The following RYR3 variants were observed in gnomAD, a reference collection of about 807,000 sequenced individuals.
RYR3 encodes the protein brain ryanodine receptor-calcium release channel.
A neutral mutation model predicts 584.3 loss-of-function variants in RYR3; 207 were observed. The observed-to-expected ratio is 0.35, with a 90% CI of 0.32 to 0.40. The LOEUF is 0.40. RYR3 is among the 10% of genes least tolerant of loss of function. The probability of loss-of-function intolerance (pLI) is 1.00; values close to 1 mark genes in which losing one functional copy is unlikely to be tolerated. For missense variants in RYR3, 5,616 were observed against 6,089.2 expected (o/e 0.92, Z 2.59); for synonymous variants, 2,416 against 2,248.5 (o/e 1.07, Z -2.11).
intron 1 of RYR3, among the ~76,000 whole-genome samples, chr15:33,392,938 C>T (rs908826287): frequency 6.6e-6 from 1 of 152,220 alleles, no homozygotes; most frequent in Non-Finnish European, 1.5e-5. Context: ...CCTACAAGGG[C>T]ATGGGATTGC....
intron 31 of RYR3, among the ~76,000 whole-genome samples, chr15:33,650,501 T>C (rs1192659375): frequency 1.3e-5 from 2 of 152,256 alleles, no homozygotes; most frequent in Non-Finnish European, 2.9e-5. Context: ...AAGATGAGGA[T>C]AATAGTTTCT....
chr15:33,538,541 C>A (rs767097448), intron 5 of RYR3, among the ~76,000 whole-genome samples: 17 of 152,146 alleles, frequency 1.1e-4, no homozygotes, highest in Non-Finnish European at 2.5e-4. Context: ...GTTGGCTTTT[C>A]CATGGATTAA....
At chr15:33,401,369 G>A (rs2042654828) in intron 1 of RYR3, among the ~76,000 whole-genome samples, 1 of 152,142 alleles carries the variant, frequency 6.6e-6, no homozygotes, top group African/African-American at 2.4e-5. Context: ...GTTGTCTCAG[G>A]CGTCTGATTT....
chr15:33,581,556 A>G lies in RYR3; in HGVS notation c.1486A>G (p.Asn496Asp), dbSNP rs749350542. Reference protein sequence around the residue: ...LNCIDRLNVYNSVAHFAGIAR... With the variant: ...LNCIDRLNVYDSVAHFAGIAR... Reference sequence around the variant, plus strand: ...TTGCATTGACCGCTTAAATGTCTACAATAGCGTAGCACACTTTGCAGGGAT... The same window carrying G: ...TTGCATTGACCGCTTAAATGTCTACGATAGCGTAGCACACTTTGCAGGGAT... The change falls in exon 14 of 104, where the codon AAT (asparagine) becomes GAT (aspartate). Residue 496 changes from asparagine to aspartate, a missense_variant. By Grantham distance (23) the Asn-to-Asp change is conservative. Transcript: ENST00000634891. 2.5e-6 allele frequency: 4 copies of G among 1,613,554 alleles called. No individual in the cohort carries two copies. In the South Asian group the frequency reaches 3.3e-5, roughly 13 times the overall value.
intron 1 of RYR3, among the ~76,000 whole-genome samples, chr15:33,398,826 G>A (rs1372966900): frequency 6.6e-6 from 1 of 152,192 alleles, no homozygotes; most frequent in African/African-American, 2.4e-5. Flanking sequence ...GCTCTGGCCT[G>A]GAGGGACTCG....
chr15:33,578,631 G>A (rs1242941714), intron 12 of RYR3, among the ~76,000 whole-genome samples: 1 of 152,064 alleles, frequency 6.6e-6, no homozygotes, highest in Non-Finnish European at 1.5e-5. Context: ...GGAGGAGGCA[G>A]AGCATCAGGA....
intron 12 of RYR3, among the ~76,000 whole-genome samples, chr15:33,575,236 G>C (rs1384128767): frequency 2.0e-5 from 3 of 152,202 alleles, no homozygotes; most frequent in Non-Finnish European, 4.4e-5. Context: ...AATTAACAAA[G>C]ATATTCAGGA....
chr15:33,808,806 G>A (rs1003240580), intron 70 of RYR3, among the ~76,000 whole-genome samples: 3 of 152,072 alleles, frequency 2.0e-5, no homozygotes, highest in African/African-American at 7.2e-5. Context: ...CCTTCTCTTA[G>A]CCCCATTTCT....
intron 41 of RYR3, among the ~76,000 whole-genome samples, chr15:33,700,217 C>T (rs775667457): frequency 1.3e-5 from 2 of 152,198 alleles, no homozygotes; most frequent in African/African-American, 2.4e-5. Flanking sequence ...GGTCATGGAT[C>T]GGATCTCGTC....
At chr15:33,687,074 A>C (rs574360899) in intron 38 of RYR3, among the ~76,000 whole-genome samples, 10 of 152,340 alleles carry the variant, frequency 6.6e-5, no homozygotes, top group African/African-American at 2.2e-4. Context: ...CAGGCCAATC[A>C]GGCAAGAGAA....
At chr15:33,817,884 C>T (rs73372019) in intron 75 of RYR3, among the ~76,000 whole-genome samples, 3,667 of 152,286 alleles carry the variant, frequency 0.024, 154 homozygotes, top group African/African-American at 0.084. Context: ...ATACGGTCCA[C>T]CCTGCTGGCT....
chr15:33,800,157 T>C (rs1015572690), intron 67 of RYR3, among the ~76,000 whole-genome samples: 2 of 152,222 alleles, frequency 1.3e-5, no homozygotes, highest in African/African-American at 2.4e-5. Context: ...TTGTAGGGAA[T>C]CTTCAAACCA....
At chr15:33,729,065 A>G (rs1042198229) in intron 47 of RYR3, 39 bp downstream of exon 47, 6 of 1,568,358 alleles carry the variant, frequency 3.8e-6, no homozygotes, top group African/African-American at 1.4e-5. Context: ...TGTTCCCATC[A>G]TTGTGAAATT....
intron 94 of RYR3, chr15:33,850,468 T>C (rs1196492338): frequency 6.7e-6 from 1 of 150,146 alleles, no homozygotes; most frequent in Admixed American, 6.6e-5. Context: ...CTAACAAAGG[T>C]ATTTCCCAAT....
At chr15:33,565,363 A>T (rs965902889) in intron 11 of RYR3, among the ~76,000 whole-genome samples, 3 of 152,204 alleles carry the variant, frequency 2.0e-5, no homozygotes, top group African/African-American at 4.8e-5. Context: ...AGTGATTCCA[A>T]TGGTAACAGT....
intron 67 of RYR3, among the ~76,000 whole-genome samples, chr15:33,789,658 ATTTTTTTTTTTTTTT>A (rs869151934): frequency 5.5e-4 from 7 of 12,778 alleles, no homozygotes; most frequent in East Asian, 4.7e-3. Flanking sequence ...ATATATATAT[ATTTTTTTTTTTTTTT>A]TTTTTTTTTT....
chr15:33,780,776 GAC>G (rs2074335870), intron 65 of RYR3, among the ~76,000 whole-genome samples: 1 of 152,120 alleles, frequency 6.6e-6, no homozygotes, highest in African/African-American at 2.4e-5. Flanking sequence ...AGATGCTGAT[GAC>G]ACATTTTTGT....
intron 53 of RYR3, among the ~76,000 whole-genome samples, chr15:33,747,676 CG>C (rs980763876): frequency 1.3e-5 from 2 of 152,074 alleles, no homozygotes; most frequent in Admixed American, 1.3e-4. Flanking sequence ...CCACCCGCCT[CG>C]GCCTCCCAAA....
intron 89 of RYR3, 99 bp downstream of exon 89, chr15:33,839,057 C>A (rs1429200793): frequency 7.1e-7 from 1 of 1,412,440 alleles, no homozygotes; most frequent in East Asian, 2.3e-5. Context: ...TAGGAGCCAA[C>A]ACTCTATGTT....
Sources: allele counts gnomAD v4.1 joint callset (sites outside exome capture counted in the v4.1 genomes callset), GRCh38; gene constraint gnomAD v4.1.1; transcripts MANE v1.5; gene names NCBI Gene and HGNC (gene_info 2026-07-23, HGNC 2026-07-21).